TECRL: variants seen among roughly 807,000 people sequenced by gnomAD.
TECRL encodes trans-2,3-enoyl-CoA reductase-like.
In TECRL, 63 loss-of-function variants were observed where a neutral mutation model predicts 52.8. The ratio of observed to expected loss-of-function variants is 1.19; its 90% CI spans 0.97 to 1.47. TECRL has a LOEUF of 1.47. TECRL is among the 40% of genes most tolerant of loss of function. TECRL has a pLI of 0.00. For missense variants in TECRL, 482 were observed against 429.6 expected (o/e 1.12, Z -1.08); for synonymous variants, 164 against 141.9 (o/e 1.16, Z -1.10).
intron 2 of TECRL, among the ~76,000 whole-genome samples, chr4:64,347,847 C>G (rs1049444426): frequency 1.9e-4 from 29 of 152,148 alleles, no homozygotes; most frequent in African/African-American, 6.7e-4. Context: ...TACCCCATGG[C>G]GCCTCCCAAA....
At chr4:64,341,465 TG>T (rs1487923719) in intron 2 of TECRL, among the ~76,000 whole-genome samples, 2 of 151,964 alleles carry the variant, frequency 1.3e-5, no homozygotes, top group Non-Finnish European at 2.9e-5. Flanking sequence ...CTGGGGGTGG[TG>T]GCACATTCCT....
chr4:64,305,005 TG>T, intron 7 of TECRL, 160 bp downstream of exon 7: 2 of 458,422 alleles, frequency 4.4e-6, no homozygotes, highest in Non-Finnish European at 7.8e-6. Context: ...TGAGTCAAAT[TG>T]GTCTTGTAGG....
chr4:64,301,558 A>C (rs898956951), intron 7 of TECRL, among the ~76,000 whole-genome samples: 30 of 150,812 alleles, frequency 2.0e-4, no homozygotes, highest in Admixed American at 1.9e-3. Flanking sequence ...CCAGAAAAGT[A>C]CTAATCACAT....
At chr4:64,357,711 G>A (rs894395669) in intron 2 of TECRL, among the ~76,000 whole-genome samples, 1 of 151,168 alleles carries the variant, frequency 6.6e-6, no homozygotes, top group Admixed American at 6.6e-5. Flanking sequence ...GAAATTACAA[G>A]CACAAATTCT....
At chr4:64,309,805 A>G in intron 6 of TECRL, 21 bp downstream of exon 6, 3 of 1,455,522 alleles carry the variant, frequency 2.1e-6, no homozygotes, top group Non-Finnish European at 2.9e-6. Context: ...AATCATTATT[A>G]AAAACACAAA....
chr4:64,341,828 A>G (rs1719591730), intron 2 of TECRL, among the ~76,000 whole-genome samples: 1 of 152,170 alleles, frequency 6.6e-6, no homozygotes. Context: ...TGCCTGGTCC[A>G]GCTGCAGCCT....
At chr4:64,331,104 G>A (rs1053208328) in intron 2 of TECRL, among the ~76,000 whole-genome samples, 5 of 151,892 alleles carry the variant, frequency 3.3e-5, no homozygotes, top group Admixed American at 2.0e-4. Context: ...TACTAGTGTT[G>A]GTATTGATTC....
chr4:64,339,044 C>A (rs1162186587), intron 2 of TECRL, among the ~76,000 whole-genome samples: 2 of 151,840 alleles, frequency 1.3e-5, no homozygotes, highest in African/African-American at 4.8e-5. Flanking sequence ...AAATGTCCAA[C>A]AATGATAGAC....
rs554741452 is a variant in TECRL at position 64,283,903 on chromosome 4, C to A, written c.833-2344G>T. ...AAGGCACTACACTGCAAGAATACCC[C>A]CCTTGAAGATCTCCCCTATCTTTTC... On this transcript the variant is annotated intron_variant, in intron 9 of 11. Transcript: ENST00000381210. 1.6e-4 allele frequency among the ~76,000 whole-genome samples: 24 copies of A among 152,122 alleles called. No homozygotes were observed. In the South Asian group the frequency reaches 5.0e-3, roughly 32 times the overall value.
At chr4:64,295,237 ACT>A (rs1553907529) in intron 8 of TECRL, among the ~76,000 whole-genome samples, 1 of 151,390 alleles carries the variant, frequency 6.6e-6, no homozygotes, top group Non-Finnish European at 1.5e-5. Flanking sequence ...TAATGGTAAG[ACT>A]CTAAATAAAA....
At chr4:64,356,378 C>CGCAG (rs1270520680) in intron 2 of TECRL, among the ~76,000 whole-genome samples, 20 of 151,972 alleles carry the variant, frequency 1.3e-4, no homozygotes, top group Non-Finnish European at 1.5e-5. Context: ...CTCTTGCCTG[C>CGCAG]CCCTGGGAAC....
chr4:64,339,207 C>G (rs959642181), intron 2 of TECRL, among the ~76,000 whole-genome samples: 1 of 147,102 alleles, frequency 6.8e-6, no homozygotes, highest in African/African-American at 2.5e-5. Flanking sequence ...ACCACATGTT[C>G]TCACTCATAG....
chr4:64,402,621 G>A (rs1442096860), intron 1 of TECRL, among the ~76,000 whole-genome samples: 1 of 152,022 alleles, frequency 6.6e-6, no homozygotes, highest in Non-Finnish European at 1.5e-5. Context: ...CTTCAAGCAA[G>A]GGAATCAAAT....
intron 9 of TECRL, among the ~76,000 whole-genome samples, chr4:64,282,473 C>A (rs1176489079): frequency 1.3e-5 from 2 of 151,916 alleles, no homozygotes; most frequent in East Asian, 3.9e-4. Flanking sequence ...GCAGATTTTA[C>A]AACTGTTCAT....
At position 64,385,316 on chromosome 4, in the gene TECRL, T is replaced by A. The variant is rs148952668; in HGVS notation, c.235-10093A>T. Among the ~76,000 whole-genome samples the A allele has an allele frequency of 1.4e-3, 213 of 152,254 alleles. 1 individual carries two copies. Among genetic ancestry groups the A allele is most frequent in the Admixed American group, 5.0e-3 (76 of 15,302 alleles). ...TTCAGGCCCCAGGATAGTGTCCAAT[T>A]TGGCCAGTCCCCAGACACCCTGGAG... On this transcript the variant is annotated intron_variant, in intron 1 of 11. Coordinates refer to ENST00000381210, the MANE Select transcript of TECRL (RefSeq NM_001010874.5).
chr4:64,284,628 A>C (rs1028437916), intron 9 of TECRL, among the ~76,000 whole-genome samples: 12 of 152,110 alleles, frequency 7.9e-5, no homozygotes, highest in Non-Finnish European at 1.2e-4. Flanking sequence ...AGGCAGTTCC[A>C]ATTACAGTAC....
intron 3 of TECRL, among the ~76,000 whole-genome samples, chr4:64,323,994 G>C (rs924695114): frequency 1.3e-5 from 2 of 152,074 alleles, no homozygotes; most frequent in African/African-American, 4.8e-5. Context: ...AAACCGTGGG[G>C]CTTCATGAGA....
Position 64,314,699 on chromosome 4 carries a change from C to CA in TECRL, c.499dup (p.Cys167LeufsTer4), listed in dbSNP as rs1560492409. The CA allele has an allele frequency of 6.2e-7, 1 of 1,607,388 alleles. No homozygotes were observed. Among genetic ancestry groups the CA allele is most frequent in the African/African-American group, 1.3e-5 (1 of 74,298 alleles). The stretch of plus-strand genomic sequence containing the variant: ...AGCACTCTCTTTTCCATCATATATA[C>CA]ATGGGATCCTCAAATAAAAGAGGAG... On this transcript the variant is annotated frameshift_variant, in exon 5 of 12. Transcript: ENST00000381210. LOFTEE classifies it high-confidence loss of function.
At chr4:64,375,511 G>T (rs559601621) in intron 1 of TECRL, among the ~76,000 whole-genome samples, 9 of 151,898 alleles carry the variant, frequency 5.9e-5, no homozygotes, top group Admixed American at 2.6e-4. Context: ...GTCCAAAATA[G>T]TCAATGTATT....
Sources: gnomAD v4.1 joint callset for allele counts (sites outside exome capture counted in the v4.1 genomes callset) on GRCh38, gnomAD v4.1.1 for gene constraint, MANE v1.5 for transcripts, NCBI Gene and HGNC (gene_info 2026-07-23, HGNC 2026-07-21) for gene names.